Variants in NECTIN3 observed in about 807,000 individuals in gnomAD.
NECTIN3 encodes the protein nectin-3.
In NECTIN3, 8 loss-of-function variants were observed where a neutral mutation model predicts 49.4. The ratio of observed to expected loss-of-function variants is 0.16; its 90% CI spans 0.10 to 0.29. NECTIN3 has a LOEUF of 0.29. Among genes scored for constraint, NECTIN3 ranks in the 10% least tolerant of loss-of-function variants. NECTIN3 has a pLI of 1.00. For missense variants in NECTIN3, 581 were observed against 654.6 expected (o/e 0.89, Z 1.23); for synonymous variants, 277 against 241.1 (o/e 1.15, Z -1.38).
intron 7 of NECTIN3, among the ~76,000 whole-genome samples, chr3:111,174,161 T>C (rs1009491466): frequency 6.6e-6 from 1 of 152,212 alleles, no homozygotes; most frequent in Non-Finnish European, 1.5e-5. Context: ...TCCTCACTAA[T>C]ACTGGTTAAC....
intron 5 of NECTIN3, among the ~76,000 whole-genome samples, chr3:111,127,723 C>A (rs2034223556): frequency 6.6e-6 from 1 of 151,842 alleles, no homozygotes; most frequent in African/African-American, 2.4e-5. Context: ...ACCACCATGC[C>A]CAGCTAATTT....
At chr3:111,131,368 TATG>T (rs1443708289) in intron 5 of NECTIN3, among the ~76,000 whole-genome samples, 2 of 152,032 alleles carry the variant, frequency 1.3e-5, no homozygotes, top group African/African-American at 2.4e-5. Context: ...AAAATCATGA[TATG>T]GTGATGAAAA....
intron 7 of NECTIN3, among the ~76,000 whole-genome samples, chr3:111,156,598 T>A (rs920580507): frequency 6.6e-6 from 1 of 152,210 alleles, no homozygotes; most frequent in African/African-American, 2.4e-5. Flanking sequence ...GGTTTATTCT[T>A]GATTGAGTTG....
chr3:111,098,141 G>GA (rs1576095263), intron 1 of NECTIN3, among the ~76,000 whole-genome samples: 1 of 152,076 alleles, frequency 6.6e-6, no homozygotes, highest in Non-Finnish European at 1.5e-5. Flanking sequence ...GAACAGAGAA[G>GA]AAAAAAATAC....
chr3:111,161,215 G>A (rs971056107), intron 7 of NECTIN3, among the ~76,000 whole-genome samples: 1 of 152,118 alleles, frequency 6.6e-6, no homozygotes, highest in African/African-American at 2.4e-5. Context: ...GGTAATTAGA[G>A]TTTCAAACAG....
At chr3:111,169,375 CTTTTT>C (rs59239398) in intron 7 of NECTIN3, among the ~76,000 whole-genome samples, 1 of 114,598 alleles carries the variant, frequency 8.7e-6, no homozygotes, top group East Asian at 2.5e-4. Flanking sequence ...CAAACGCAAA[CTTTTT>C]TTTTTTTTTT....
At chr3:111,174,864 G>C (rs2107528669) in intron 7 of NECTIN3, among the ~76,000 whole-genome samples, 1 of 152,284 alleles carries the variant, frequency 6.6e-6, no homozygotes, top group South Asian at 2.1e-4. Context: ...CTGCCTTTCT[G>C]CAAGGGCAGA....
chr3:111,073,320 G>A (rs1222262746), intron 1 of NECTIN3: 2 of 152,206 alleles, frequency 1.3e-5, no homozygotes, highest in African/African-American at 4.8e-5. Flanking sequence ...GTGTGATTTA[G>A]AAGGAGGAGA....
At chr3:111,144,803 C>T (rs2034834167) in intron 5 of NECTIN3, 1 of 1,345,828 alleles carries the variant, frequency 7.4e-7, no homozygotes, top group East Asian at 2.5e-5. Context: ...GGATAACATA[C>T]TTCAGTCAAA....
At chr3:111,192,242 T>C, upstream of NECTIN3, 1 of 988,716 alleles carries the variant, frequency 1.0e-6, no homozygotes, top group Non-Finnish European at 1.5e-6. Flanking sequence ...GCTTAGTTGG[T>C]AGACATTTAT....
At chr3:111,123,402 C>T (rs1576132226) in intron 4 of NECTIN3, among the ~76,000 whole-genome samples, 1 of 152,150 alleles carries the variant, frequency 6.6e-6, no homozygotes, top group East Asian at 1.9e-4. Flanking sequence ...CACAGTGAAG[C>T]ATTAAATAAA....
chr3:111,081,211 G>T (rs112233883), intron 1 of NECTIN3, among the ~76,000 whole-genome samples: 1 of 152,230 alleles, frequency 6.6e-6, no homozygotes, highest in Non-Finnish European at 1.5e-5. Flanking sequence ...AGCCCGGAAG[G>T]CTGAGGCTGT....
chr3:111,084,740 A>G (rs561553007), intron 1 of NECTIN3, among the ~76,000 whole-genome samples: 1 of 152,346 alleles, frequency 6.6e-6, no homozygotes, highest in South Asian at 2.1e-4. Flanking sequence ...TAATAATTCT[A>G]GGATATAAGA....
intron 7 of NECTIN3, among the ~76,000 whole-genome samples, chr3:111,169,337 G>A (rs546481528): frequency 3.8e-4 from 56 of 145,920 alleles, no homozygotes; most frequent in East Asian, 2.4e-3. Context: ...TGATCTGCCC[G>A]TCTCAGCCTC....
At position 111,106,792 on chromosome 3, in the gene NECTIN3, A is replaced by G. The variant is rs1408863535; in HGVS notation, c.161-5238A>G. Among the ~76,000 whole-genome samples the G allele has an allele frequency of 2.6e-5, 4 of 152,170 alleles. No homozygotes were observed. The East Asian group carries it at 5.8e-4, about 22-fold the overall frequency. On this transcript the variant is annotated intron_variant, in intron 1 of 5. Coordinates refer to ENST00000485303, the MANE Select transcript of NECTIN3 (RefSeq NM_015480.3). ...AGGATTCATATCTTAGAGATTTTCA[A>G]AGGTGGTGTTTAGTTGAACACAGAC...
intron 1 of NECTIN3, among the ~76,000 whole-genome samples, chr3:111,099,722 A>G (rs2032794028): frequency 6.6e-6 from 1 of 152,144 alleles, no homozygotes; most frequent in South Asian, 2.1e-4. Context: ...GTCTGGCTCT[A>G]TACATTCTCT....
chr3:111,165,237 G>T (rs553868118), intron 7 of NECTIN3, among the ~76,000 whole-genome samples: 2 of 151,934 alleles, frequency 1.3e-5, no homozygotes, highest in Non-Finnish European at 1.5e-5. Context: ...TAGATACAGG[G>T]TTTCACTGTG....
chr3:111,156,587 C>T (rs1374925889), intron 7 of NECTIN3, among the ~76,000 whole-genome samples: 1 of 152,128 alleles, frequency 6.6e-6, no homozygotes, highest in Non-Finnish European at 1.5e-5. Flanking sequence ...GTCATGACCA[C>T]GGTTTATTCT....
downstream of NECTIN3, among the ~76,000 whole-genome samples, chr3:111,138,099 C>T (rs570168387): frequency 2.6e-5 from 4 of 151,744 alleles, no homozygotes; most frequent in East Asian, 7.7e-4. Context: ...TAACACATTT[C>T]ATAAGGTATT....
Sources: allele counts gnomAD v4.1 joint callset (sites outside exome capture counted in the v4.1 genomes callset), GRCh38; gene constraint gnomAD v4.1.1; transcripts MANE v1.5; gene names NCBI Gene and HGNC (gene_info 2026-07-23, HGNC 2026-07-21).